The following TUBA8 variants were observed in gnomAD, a reference collection of about 807,000 sequenced individuals.
The protein encoded by TUBA8 is tubulin alpha-8 chain.
TUBA8 carries 29 observed loss-of-function variants against 34.7 expected under a neutral mutation model. That is an observed-to-expected ratio of 0.84 (90% CI 0.62 to 1.14). TUBA8 has a LOEUF of 1.14. Among genes scored for constraint, TUBA8 ranks in the 50% most tolerant of loss-of-function variants. The probability of loss-of-function intolerance (pLI) is 0.00; values close to 1 mark genes in which losing one functional copy is unlikely to be tolerated. For missense variants in TUBA8, 541 were observed against 599.2 expected, an observed-to-expected ratio of 0.90 and a Z score of 1.01; for synonymous variants, 226 against 231.2, an observed-to-expected ratio of 0.98 and a Z score of 0.21.
In TUBA8 at chr22:18,124,063, T is replaced by C; in HGVS notation, c.227-93T>C. The C allele has an allele frequency of 6.6e-7, 1 of 1,504,090 alleles. No homozygotes were observed. Among genetic ancestry groups the C allele is most frequent in the East Asian group, 2.3e-5 (1 of 44,216 alleles). The allele number at this position is 1,504,090 out of a possible 1,614,324, so 93.2% of individuals were successfully genotyped here. A position where few individuals can be genotyped will look rare whatever the true frequency, so the allele number is the denominator to read the frequency against. ...TCAAACCTCCATGGAGTTTTATAGGTAGGGGAGAACGGAAGGGGTCCTGCG... is the reference window on the plus strand; with the variant it reads ...TCAAACCTCCATGGAGTTTTATAGGCAGGGGAGAACGGAAGGGGTCCTGCG... On this transcript the variant is annotated intron_variant, in intron 2 of 4. Coordinates refer to ENST00000330423, the MANE Select transcript of TUBA8 (RefSeq NM_018943.3). This position sits in a 1 kb window ranked among gnomAD's most constrained non-coding sequence, Gnocchi z 4.3.
Position 18,111,251 on chromosome 22 carries a change from G to T in TUBA8, c.3+383G>T, listed in dbSNP as rs1927799276. On this transcript the variant is annotated intron_variant, in intron 1 of 4. Coordinates refer to ENST00000330423, the MANE Select transcript of TUBA8 (RefSeq NM_018943.3). This position sits in a 1 kb window ranked among gnomAD's most constrained non-coding sequence, Gnocchi z 5.1. ...TTCTGGATGGGTGGTCTGGGCCGGG[G>T]CGACTGGGGGGCCAGATGCAGTCAC... is the stretch of plus-strand genomic sequence containing the variant. 3.1e-6 allele frequency: 1 copy of T among 321,920 alleles called. No individual in the cohort carries two copies. Among genetic ancestry groups the T allele is most frequent in the Non-Finnish European group, 5.7e-6 (1 of 174,188 alleles). The allele number at this position is 321,920 out of a possible 1,614,324, so 19.9% of individuals were successfully genotyped here.
In TUBA8 at chr22:18,121,560, G is replaced by C. The variant is rs779907539; in HGVS notation, c.85G>C (p.Gly29Arg). 10 of 1,614,092 alleles carry C rather than the reference G, an allele frequency of 6.2e-6. No individual in the cohort carries two copies. In the African/African-American group the frequency reaches 1.2e-4, roughly 19 times the overall value. Residue 29 changes from glycine (G) to arginine (R), a missense_variant, in exon 2 of 5, where the codon GGC (glycine) becomes CGC (arginine). Transcript: ENST00000330423. This position sits in a 1 kb window ranked among gnomAD's most constrained non-coding sequence, Gnocchi z 4.8. ...CTGGGAGCTCTTCTGCCTGGAACAC[G>C]GCATCCAGGCAGACGGCACTTTTGA... Reference protein sequence around the residue: ...ACWELFCLEHGIQADGTFDAQ... With the variant: ...ACWELFCLEHRIQADGTFDAQ...
intron 1 of TUBA8, chr22:18,117,632 G>A (rs377208772): frequency 2.2e-4 from 34 of 152,150 alleles, no homozygotes; most frequent in African/African-American, 6.5e-4. Context: ...AAAATTAGCC[G>A]GGTGTGGTGG....
At chr22:18,128,266 G>A (rs1253185803) in intron 4 of TUBA8, 2 of 152,182 alleles carry the variant, frequency 1.3e-5, no homozygotes, top group African/African-American at 2.4e-5. Flanking sequence ...AGCAAGCCGT[G>A]TGGCTGGTGG....
At position 18,118,042 on chromosome 22, in the gene TUBA8, G is replaced by A. The variant is rs1037938854; in HGVS notation, c.4-3437G>A. ...GTCCCATCAGGAGGTCCTCGATGTC[G>A]GGTTGGCCCACAGTTAGCGATGCTG... On this transcript the variant is annotated intron_variant, in intron 1 of 4. Coordinates refer to ENST00000330423, the MANE Select transcript of TUBA8 (RefSeq NM_018943.3). The surrounding 1 kb of genome is among the most constrained non-coding windows in gnomAD (Gnocchi z 4.0). The A allele has an allele frequency of 5.3e-5, 8 of 152,122 alleles. No homozygotes were observed. The highest frequency in any genetic ancestry group is 9.7e-5 in the African/African-American group (4 of 41,424). The allele number at this position is 152,122 out of a possible 1,614,324, so 9.4% of individuals were successfully genotyped here. A position where few individuals can be genotyped will look rare whatever the true frequency, so the allele number is the denominator to read the frequency against.
intron 1 of TUBA8, chr22:18,117,399 A>G (rs1928005465): frequency 6.6e-6 from 1 of 152,520 alleles, no homozygotes; most frequent in Admixed American, 6.5e-5. Flanking sequence ...CAGAGTCCCC[A>G]TGATGCGTGT....
chr22:18,124,273 T>C lies in TUBA8; in HGVS notation c.344T>C (p.Ile115Thr), dbSNP rs749810234. 5.6e-6 allele frequency: 9 copies of C among 1,613,960 alleles called. No individual in the cohort carries two copies. The highest frequency in any genetic ancestry group is 3.3e-5 in the South Asian group (3 of 91,070). Reference protein sequence around the residue: ...RGHYTVGKESIDLVLDRIRKL... With the variant: ...RGHYTVGKESTDLVLDRIRKL... The stretch of plus-strand genomic sequence containing the variant: ...CACTACACGGTGGGCAAGGAGAGCA[T>C]TGACCTGGTGCTGGACCGCATACGG... Residue 115 changes from isoleucine to threonine, a missense_variant, in exon 3 of 5, where the codon ATT becomes ACT. By Grantham distance (89) the Ile-to-Thr change is moderately conservative. Transcript: ENST00000330423. The surrounding 1 kb of genome is among the most constrained non-coding windows in gnomAD (Gnocchi z 4.3).
Position 18,110,837 on chromosome 22 carries a change from G to T in TUBA8, c.-29G>T. 6.5e-7 allele frequency: 1 copy of T among 1,541,620 alleles called. No individual in the cohort carries two copies. On this transcript the variant is annotated 5_prime_UTR_variant, in exon 1 of 5. Coordinates refer to ENST00000330423, the MANE Select transcript of TUBA8 (RefSeq NM_018943.3). This position sits in a 1 kb window ranked among gnomAD's most constrained non-coding sequence, Gnocchi z 6.2. ...AGTCGGGGCGGGCAGGCCCAGCTGA[G>T]AGGTGCGCGGGCGAGGACAGCGGCA...
Position 18,126,899 on chromosome 22 carries a change from G to C in TUBA8, c.921G>C (p.Pro307=). 6.2e-7 allele frequency: 1 copy of C among 1,611,906 alleles called. No individual in the cohort carries two copies. ...EPNSQMVKCD[P]RHGKYMACCM... ...ACAGCCAGATGGTGAAGTGCGACCCGAGACATGGCAAGTACATGGCCTGCT... is the reference window on the plus strand; with the variant it reads ...ACAGCCAGATGGTGAAGTGCGACCCCAGACATGGCAAGTACATGGCCTGCT... Residue 307 remains proline, a synonymous_variant, in exon 4 of 5, where the codon CCG becomes CCC. Transcript: ENST00000330423. The surrounding 1 kb of genome is among the most constrained non-coding windows in gnomAD (Gnocchi z 4.0).
At chr22:18,123,990 C>T (rs927986668) in intron 2 of TUBA8, 166 bp from the exon 3 acceptor site, 9 of 812,430 alleles carry the variant, frequency 1.1e-5, no homozygotes, top group East Asian at 2.7e-5. Flanking sequence ...CTGAGCTACC[C>T]GGGAATTCTC....
At position 18,121,109 on chromosome 22, in the gene TUBA8, C is replaced by T. The variant is rs546992089; in HGVS notation, c.4-370C>T. ...AGCTGTGAATGCTGCCTTGTGTGGG[C>T]GTAGGCTGAAGGAGAGTTTCTGCCA... On this transcript the variant is annotated intron_variant, in intron 1 of 4. Transcript: ENST00000330423. This position sits in a 1 kb window ranked among gnomAD's most constrained non-coding sequence, Gnocchi z 4.8. The T allele has an allele frequency of 5.6e-5, 17 of 305,810 alleles. No homozygotes were observed. Among genetic ancestry groups the T allele is most frequent in the Admixed American group, 8.9e-5 (2 of 22,442 alleles). The allele number at this position is 305,810 out of a possible 1,614,324, so 18.9% of individuals were successfully genotyped here.
rs1167075307 is a variant in TUBA8, at chr22:18,119,723, AC to A, written c.4-1755del. Reference sequence around the variant, plus strand: ...AGTGGGGGCACAGTTGTAAAATTGAACTAGGGGGCAATGGTCCTGATGCTCT... The same window carrying A: ...AGTGGGGGCACAGTTGTAAAATTGAATAGGGGGCAATGGTCCTGATGCTCT... On this transcript the variant is annotated intron_variant, in intron 1 of 4. Coordinates refer to ENST00000330423, the MANE Select transcript of TUBA8 (RefSeq NM_018943.3). The surrounding 1 kb of genome is among the most constrained non-coding windows in gnomAD (Gnocchi z 5.9). The A allele has an allele frequency of 6.6e-6, 1 of 152,282 alleles. No individual in the cohort carries two copies. The highest frequency in any genetic ancestry group is 2.4e-5 in the African/African-American group (1 of 41,426). The allele number at this position is 152,282 out of a possible 1,614,324, so 9.4% of individuals were successfully genotyped here.
In TUBA8 at chr22:18,126,117, C is replaced by T; in HGVS notation, c.376-237C>T. 1 of 553,558 alleles carries T rather than the reference C, an allele frequency of 1.8e-6. No individual in the cohort carries two copies. The highest frequency in any genetic ancestry group is 3.2e-6 in the Non-Finnish European group (1 of 309,932). The allele number at this position is 553,558 out of a possible 1,614,324, so 34.3% of individuals were successfully genotyped here. ...GCCTCAATGGATCCTCCTGCCTCAG[C>T]TTCCCAAACTGCTGGGATTACAGGC... On this transcript the variant is annotated intron_variant, in intron 3 of 4. Transcript: ENST00000330423. This position sits in a 1 kb window ranked among gnomAD's most constrained non-coding sequence, Gnocchi z 4.0.
In TUBA8 at chr22:18,118,295, A is replaced by C. The variant is rs1453371366; in HGVS notation, c.4-3184A>C. 4 of 152,384 alleles carry C rather than the reference A, an allele frequency of 2.6e-5. No homozygotes were observed. The East Asian group carries it at 7.7e-4, about 29-fold the overall frequency. 9.4% of individuals were successfully genotyped at this position (152,384 alleles called of 1,614,324 possible). The stretch of plus-strand genomic sequence containing the variant: ...CTTAGCAGACATTCTTCAATTAAAG[A>C]AAAAAGAGCCTTCTCTAACTAACGG... On this transcript the variant is annotated intron_variant, in intron 1 of 4. Transcript: ENST00000330423. The surrounding 1 kb of genome is among the most constrained non-coding windows in gnomAD (Gnocchi z 4.0).
chr22:18,127,054 G>GAA lies in TUBA8; in HGVS notation c.1056+21_1056+22dup. On this transcript the variant is annotated intron_variant, in intron 4 of 4. Coordinates refer to ENST00000330423, the MANE Select transcript of TUBA8 (RefSeq NM_018943.3). ...TTCAAGGTGAGAGCTGATGACTTAG[G>GAA]AAGGGGAGAGAGGACTAGAGAAGCA... 1 of 1,613,676 alleles carries GAA rather than the reference G, an allele frequency of 6.2e-7. No homozygotes were observed. Among genetic ancestry groups the GAA allele is most frequent in the Non-Finnish European group, 8.5e-7 (1 of 1,179,734 alleles).
In TUBA8 at chr22:18,126,407, G is replaced by T; in HGVS notation, c.429G>T (p.Gly143=). ...TCCTGATTTTCCACAGTTTTGGTGG[G>T]GGCACTGGCTCCGGCTTCACTTCTC... is the stretch of plus-strand genomic sequence containing the variant. ...QGFLIFHSFG[G]GTGSGFTSLL... Residue 143 remains glycine (G), a synonymous_variant, in exon 4 of 5, where the codon GGG becomes GGT. Coordinates refer to ENST00000330423, the MANE Select transcript of TUBA8 (RefSeq NM_018943.3). This position sits in a 1 kb window ranked among gnomAD's most constrained non-coding sequence, Gnocchi z 4.0. The T allele has an allele frequency of 6.2e-7, 1 of 1,613,970 alleles. No individual in the cohort carries two copies. Among genetic ancestry groups the T allele is most frequent in the South Asian group, 1.1e-5 (1 of 91,068 alleles).
rs1668521220 is a variant in TUBA8, at chr22:18,121,399, G to A, written c.4-80G>A. 7.6e-7 allele frequency: 1 copy of A among 1,320,732 alleles called. No homozygotes were observed. The allele number at this position is 1,320,732 out of a possible 1,614,324, so 81.8% of individuals were successfully genotyped here. ...GGGCTGGGGCCTGGCTGGCCTGCAA[G>A]GTGAATGTTATGGGGATGTAGGGCA... On this transcript the variant is annotated intron_variant, in intron 1 of 4. Coordinates refer to ENST00000330423, the MANE Select transcript of TUBA8 (RefSeq NM_018943.3). This position sits in a 1 kb window ranked among gnomAD's most constrained non-coding sequence, Gnocchi z 4.8.
At chr22:18,114,930 C>A (rs1263150491) in intron 1 of TUBA8, 2 of 151,272 alleles carry the variant, frequency 1.3e-5, no homozygotes, top group Admixed American at 1.3e-4. Flanking sequence ...GAGAACAAAG[C>A]AAAAGGAAAT....
In TUBA8 at chr22:18,130,833, T is replaced by A; in HGVS notation, c.1057-10T>A. 1 of 1,613,466 alleles carries A rather than the reference T, an allele frequency of 6.2e-7. No individual in the cohort carries two copies. The highest frequency in any genetic ancestry group is 2.2e-5 in the East Asian group (1 of 44,866). On this transcript the variant is annotated splice_polypyrimidine_tract_variant and intron_variant, in intron 4 of 4. Coordinates refer to ENST00000330423, the MANE Select transcript of TUBA8 (RefSeq NM_018943.3). ...TCTTCTGTGGCTCCTCCTCTTTCTGTGTCCCTCAGGTGGGCATCAACTACC... is the reference window on the plus strand; with the variant it reads ...TCTTCTGTGGCTCCTCCTCTTTCTGAGTCCCTCAGGTGGGCATCAACTACC...
Sources: allele counts gnomAD v4.1 joint callset, GRCh38; gene constraint gnomAD v4.1.1; non-coding constraint Gnocchi (gnomAD v3.1); transcripts MANE v1.5; gene names NCBI Gene and HGNC (gene_info 2026-07-23, HGNC 2026-07-21).